The following SNRK variants were observed in gnomAD, a reference collection of about 807,000 sequenced individuals.
SNRK encodes SNF related kinase.
In SNRK, 3 loss-of-function variants were observed where a neutral mutation model predicts 48.2. The observed-to-expected ratio is 0.06, with a 90% CI of 0.03 to 0.16. SNRK has a LOEUF of 0.16. Among genes scored for constraint, SNRK ranks in the 10% least tolerant of loss-of-function variants. The pLI is 1.00. For missense variants in SNRK, 627 were observed against 976.0 expected, an observed-to-expected ratio of 0.64 and a Z score of 4.76; for synonymous variants, 376 against 366.1, an observed-to-expected ratio of 1.03 and a Z score of -0.31.
chr3:43,288,861 T>C (rs1408571647), intron 1 of SNRK, among the ~76,000 whole-genome samples: 2 of 152,234 alleles, frequency 1.3e-5, no homozygotes, highest in Non-Finnish European at 2.9e-5. Context: ...AAAACTGTTA[T>C]TCAGAATTTA....
chr3:43,328,176 G>C (rs940718424), intron 3 of SNRK, among the ~76,000 whole-genome samples: 1 of 151,784 alleles, frequency 6.6e-6, no homozygotes, highest in Admixed American at 6.6e-5. Context: ...ATTATAATAA[G>C]GTCCCCTGTA....
intron 3 of SNRK, among the ~76,000 whole-genome samples, chr3:43,314,110 A>G (rs1199594412): frequency 6.6e-6 from 1 of 152,212 alleles, no homozygotes; most frequent in East Asian, 1.9e-4. Flanking sequence ...TAATCAGCAG[A>G]AAAATTTCTC....
At chr3:43,321,799 A>G (rs1340512139) in intron 3 of SNRK, among the ~76,000 whole-genome samples, 1 of 152,212 alleles carries the variant, frequency 6.6e-6, no homozygotes. Context: ...TTACCATGGA[A>G]GCAGCTCTAA....
chr3:43,344,690 A>G (rs74463492), intron 6 of SNRK, among the ~76,000 whole-genome samples: 14,764 of 152,098 alleles, frequency 0.097, 967 homozygotes, highest in Non-Finnish European at 0.14. Context: ...CACACTGTCT[A>G]GTGTCTGCTT....
rs142998761 is a variant in SNRK, at chr3:43,336,954, G to A, written c.732-3333G>A. Among the ~76,000 whole-genome samples, 200 of 152,186 alleles carry A rather than the reference G, an allele frequency of 1.3e-3. 2 individuals carry two copies. Among genetic ancestry groups the A allele is most frequent in the African/African-American group, 3.7e-3 (155 of 41,534 alleles). On this transcript the variant is annotated intron_variant, in intron 4 of 6. Coordinates refer to ENST00000296088, the MANE Select transcript of SNRK (RefSeq NM_017719.5). ...TTTTTAGTAGAGACGGGTTTTCACC[G>A]TGTTAGCCAGGGTGGTCTCGATCTC...
In SNRK at chr3:43,348,089, C is replaced by T. The variant is rs35994438; in HGVS notation, c.1830C>T (p.Ser610=). The change falls in exon 7 of 7, where the codon AGC becomes AGT. Residue 610 remains serine, a synonymous_variant. Transcript: ENST00000296088. The part of the protein sequence containing the change: ...ENNAGGGSPS[S]GSGGNPTNTS... Reference sequence around the variant, plus strand: ...ATGCTGGTGGGGGCAGTCCCTCCAGCGGCTCGGGTGGCAACCCCACCAATA... The same window carrying T: ...ATGCTGGTGGGGGCAGTCCCTCCAGTGGCTCGGGTGGCAACCCCACCAATA... The T allele has an allele frequency of 5.0e-5, 80 of 1,589,854 alleles. No homozygotes were observed. In the African/African-American group the frequency reaches 5.1e-4, roughly 10 times the overall value.
chr3:43,300,043 T>G (rs2090887164), intron 2 of SNRK, among the ~76,000 whole-genome samples: 1 of 152,194 alleles, frequency 6.6e-6, no homozygotes, highest in African/African-American at 2.4e-5. Flanking sequence ...CGTCTAAACT[T>G]TCAGTTAATC....
intron 6 of SNRK, 54 bp downstream of exon 6, chr3:43,343,532 A>G (rs2125647700): frequency 6.5e-7 from 1 of 1,546,674 alleles, no homozygotes; most frequent in East Asian, 2.3e-5. Context: ...GAAATAGCGA[A>G]CTTTTTTTTT....
chr3:43,330,962 T>C (rs1322548787), intron 3 of SNRK, among the ~76,000 whole-genome samples: 1 of 152,266 alleles, frequency 6.6e-6, no homozygotes, highest in Non-Finnish European at 1.5e-5. Flanking sequence ...TTTGGGTTTC[T>C]GCCTTTGTTG....
At chr3:43,332,500 C>T (rs2091153985) in intron 4 of SNRK, 190 bp downstream of exon 4, 1 of 381,308 alleles carries the variant, frequency 2.6e-6, no homozygotes, top group South Asian at 1.3e-4. Context: ...GGGTGGTTAG[C>T]CCCTGAATAT....
intron 3 of SNRK, among the ~76,000 whole-genome samples, chr3:43,331,343 T>A (rs547937572): frequency 1.6e-3 from 243 of 152,352 alleles, no homozygotes; most frequent in Non-Finnish European, 2.8e-3. Flanking sequence ...TTGCTTTTTA[T>A]TTAATGATGA....
intron 3 of SNRK, among the ~76,000 whole-genome samples, chr3:43,328,955 C>T (rs2091124523): frequency 6.6e-6 from 1 of 152,234 alleles, no homozygotes; most frequent in African/African-American, 2.4e-5. Flanking sequence ...AATGTTTTCT[C>T]TGTGCTGAAT....
intron 3 of SNRK, among the ~76,000 whole-genome samples, chr3:43,330,551 TTAA>T (rs1175610823): frequency 6.6e-6 from 1 of 152,226 alleles, no homozygotes; most frequent in Non-Finnish European, 1.5e-5. Flanking sequence ...TTAAAAAATC[TTAA>T]TAAGGTACTA....
rs1181605684 is a variant in SNRK, at chr3:43,350,874, A to ATG, written c.*2318_*2319insGT. 1 of 152,598 alleles carries ATG rather than the reference A, an allele frequency of 6.6e-6. No homozygotes were observed. The highest frequency in any genetic ancestry group is 1.5e-5 in the Non-Finnish European group (1 of 68,030). 9.5% of individuals were successfully genotyped at this position (152,598 alleles called of 1,614,324 possible). On this transcript the variant is annotated 3_prime_UTR_variant, in exon 7 of 7. Transcript: ENST00000296088. ...TTTTTCTGTATGTGTGTATATATATATAATTATGTACTTCTGGCAATTCTA... is the reference window on the plus strand; with the variant it reads ...TTTTTCTGTATGTGTGTATATATATATGTAATTATGTACTTCTGGCAATTCTA...
At chr3:43,288,179 T>C (rs2090780827) in intron 1 of SNRK, among the ~76,000 whole-genome samples, 1 of 152,046 alleles carries the variant, frequency 6.6e-6, no homozygotes, top group South Asian at 2.1e-4. Context: ...TGCTAACTTT[T>C]TATAATACTC....
intron 6 of SNRK, among the ~76,000 whole-genome samples, chr3:43,345,728 T>A (rs1412707535): frequency 1.3e-5 from 2 of 151,760 alleles, no homozygotes; most frequent in Non-Finnish European, 1.5e-5. Context: ...CTGAAAGGAG[T>A]GGTGTTGGTA....
intron 3 of SNRK, among the ~76,000 whole-genome samples, chr3:43,308,123 A>G (rs1321480736): frequency 1.3e-5 from 2 of 152,158 alleles, no homozygotes; most frequent in African/African-American, 4.8e-5. Flanking sequence ...CTGAGGGCTA[A>G]GAGAGGGGAG....
In SNRK at chr3:43,348,730, C is replaced by G. The variant is rs956531527; in HGVS notation, c.*173C>G. ...CAATGCATGGTCTTTGTGCATGCTG[C>G]TAGACACTTTTCTTTCCCAGCCGAA... On this transcript the variant is annotated 3_prime_UTR_variant, in exon 7 of 7. Transcript: ENST00000296088. The G allele has an allele frequency of 1.4e-5, 8 of 583,732 alleles. No homozygotes were observed. Among genetic ancestry groups the G allele is most frequent in the Non-Finnish European group, 1.3e-5 (5 of 382,990 alleles). 36.2% of individuals were successfully genotyped at this position (583,732 alleles called of 1,614,324 possible). A position where few individuals can be genotyped will look rare whatever the true frequency, so the allele number is the denominator to read the frequency against.
intron 1 of SNRK, among the ~76,000 whole-genome samples, chr3:43,298,020 G>A (rs1234554228): frequency 6.6e-6 from 1 of 152,102 alleles, no homozygotes; most frequent in Non-Finnish European, 1.5e-5. Context: ...TGGTGGGAAC[G>A]TCGTCTGTAA....
Sources: allele counts gnomAD v4.1 joint callset (sites outside exome capture counted in the v4.1 genomes callset), GRCh38; gene constraint gnomAD v4.1.1; transcripts MANE v1.5; gene names NCBI Gene and HGNC (gene_info 2026-07-23, HGNC 2026-07-21).